DAB1: variants seen among roughly 807,000 people sequenced by gnomAD.
DAB1 encodes the protein DAB adaptor protein 1.
Under a neutral mutation model 64.6 loss-of-function variants are expected in DAB1, and 15 were observed. That is an observed-to-expected ratio of 0.23 (90% confidence interval 0.16 to 0.36). The LOEUF is 0.36. Ranked by LOEUF, DAB1 falls within the 10% of genes least tolerant of loss-of-function variation. DAB1 has a pLI of 1.00. For synonymous variants in DAB1, 235 were observed against 251.9 expected, an observed-to-expected ratio of 0.93 and a Z score of 0.64; for missense variants, 596 against 706.7, an observed-to-expected ratio of 0.84 and a Z score of 1.78.
intron 5 of DAB1, among the ~76,000 whole-genome samples, chr1:58,085,133 G>A (rs1046576542): frequency 6.6e-6 from 1 of 152,176 alleles, no homozygotes; most frequent in Non-Finnish European, 1.5e-5. Flanking sequence ...GTTGGCTTGT[G>A]ACATTGTCTC....
At chr1:58,307,584 C>T (rs1368722656) in intron 4 of DAB1, among the ~76,000 whole-genome samples, 2 of 152,100 alleles carry the variant, frequency 1.3e-5, no homozygotes, top group Non-Finnish European at 2.9e-5. Context: ...CGCCAGGAGC[C>T]TGGATTACAC....
intron 1 of DAB1, among the ~76,000 whole-genome samples, chr1:57,881,846 T>C (rs915065918): frequency 4.6e-5 from 7 of 152,200 alleles, no homozygotes; most frequent in Non-Finnish European, 1.0e-4. Context: ...CACAATATTT[T>C]ACAGTGAACA....
chr1:58,444,483 C>A (rs1645044636), intron 3 of DAB1, among the ~76,000 whole-genome samples: 1 of 152,218 alleles, frequency 6.6e-6, no homozygotes, highest in Non-Finnish European at 1.5e-5. Flanking sequence ...GCTCTTAACC[C>A]TGCTGAGCAG....
intron 6 of DAB1, among the ~76,000 whole-genome samples, chr1:57,725,020 A>G (rs1292427395): frequency 6.6e-6 from 1 of 152,242 alleles, no homozygotes; most frequent in African/African-American, 2.4e-5. Flanking sequence ...TGCTAGGTGC[A>G]GTCAAAGAAA....
chr1:57,582,672 G>A (rs892286365), intron 7 of DAB1, among the ~76,000 whole-genome samples: 1 of 152,376 alleles, frequency 6.6e-6, no homozygotes, highest in Non-Finnish European at 1.5e-5. Context: ...TGTGGCAGCT[G>A]AGGATTCAGG....
chr1:57,023,585 C>T lies in DAB1; in HGVS notation c.841G>A (p.Ala281Thr). 14 of 1,612,562 alleles carry T rather than the reference C, an allele frequency of 8.7e-6. No individual in the cohort carries two copies. Among genetic ancestry groups the T allele is most frequent in the Non-Finnish European group, 1.1e-5 (13 of 1,179,556 alleles). ...FIPSSSQTLP[A>T]SADVFSSVPF... ...ACAGAACTAAACACATCTGCACTCG[C>T]TGGAAGGGTCTGAGATGAAGATGGG... Residue 281 changes from alanine (A) to threonine (T), a missense_variant, in exon 11 of 15, where the codon GCG (alanine) becomes ACG (threonine). Physicochemically the swap from Ala to Thr is moderately conservative, Grantham distance 58. Around this residue, in one of 3 missense-constraint regions of DAB1, gnomAD observed 377 missense variants for 400.4 expected, o/e 0.94. Transcript: ENST00000371236.
intron 5 of DAB1, among the ~76,000 whole-genome samples, chr1:57,953,646 G>A (rs186142572): frequency 2.0e-4 from 31 of 152,204 alleles, no homozygotes; most frequent in Admixed American, 2.0e-4. Flanking sequence ...CTTGCTCTGT[G>A]CCCTGGAATC....
intron 6 of DAB1, among the ~76,000 whole-genome samples, chr1:57,780,290 T>A (rs1339368813): frequency 6.6e-6 from 1 of 152,170 alleles, no homozygotes; most frequent in Admixed American, 6.6e-5. Context: ...AAATTAAATA[T>A]AAAGTTATCC....
intron 4 of DAB1, among the ~76,000 whole-genome samples, chr1:58,170,868 T>C (rs1395142196): frequency 6.6e-6 from 1 of 152,090 alleles, no homozygotes; most frequent in Non-Finnish European, 1.5e-5. Context: ...GCTCATGTCA[T>C]CACCCTCACT....
At chr1:57,009,189 G>A (rs1001248807) in intron 14 of DAB1, among the ~76,000 whole-genome samples, 1 of 152,182 alleles carries the variant, frequency 6.6e-6, no homozygotes, top group Non-Finnish European at 1.5e-5. Flanking sequence ...TTCAAGGCAA[G>A]GTTGAGCACG....
chr1:57,325,487 T>C (rs1310094319), intron 1 of DAB1, among the ~76,000 whole-genome samples: 9 of 152,244 alleles, frequency 5.9e-5, no homozygotes, highest in Non-Finnish European at 1.3e-4. Flanking sequence ...TGAACCACTG[T>C]GTATAAAGTA....
chr1:57,412,047 G>A (rs887309982), intron 1 of DAB1, among the ~76,000 whole-genome samples: 2 of 152,154 alleles, frequency 1.3e-5, no homozygotes, highest in Non-Finnish European at 2.9e-5. Flanking sequence ...AATGCTTCAA[G>A]CGTTTTCATT....
intron 3 of DAB1, among the ~76,000 whole-genome samples, chr1:58,358,083 C>T (rs1644128362): frequency 6.6e-6 from 1 of 152,152 alleles, no homozygotes; most frequent in Non-Finnish European, 1.5e-5. Context: ...TTACCTGTTT[C>T]CAGAAATATC....
At chr1:57,989,695 A>C (rs988980280) in intron 5 of DAB1, among the ~76,000 whole-genome samples, 1 of 152,210 alleles carries the variant, frequency 6.6e-6, no homozygotes, top group African/African-American at 2.4e-5. Flanking sequence ...AACATGGGGC[A>C]CCAGGGCTGG....
At chr1:58,348,318 C>T (rs1250897497) in intron 3 of DAB1, among the ~76,000 whole-genome samples, 1 of 152,122 alleles carries the variant, frequency 6.6e-6, no homozygotes, top group Admixed American at 6.6e-5. Context: ...ACTCAGCCTT[C>T]TAAGTCAGTC....
At position 57,655,427 on chromosome 1, in the gene DAB1, C is replaced by T. The variant is rs552689499; in HGVS notation, n.552-5762G>A. Among the ~76,000 whole-genome samples, 16 of 152,272 alleles carry T rather than the reference C, an allele frequency of 1.1e-4. 1 individual carries two copies. The South Asian group carries it at 1.4e-3, about 14-fold the overall frequency. ...CAGTCTTCATCATCAATCATCCATC[C>T]GTCCAACCTTCATCATTCATACATC... On this transcript the variant is annotated intron_variant and non_coding_transcript_variant, in intron 6 of 20. Transcript: ENST00000485760.
chr1:58,299,517 T>C (rs753291000), intron 4 of DAB1, among the ~76,000 whole-genome samples: 1 of 152,200 alleles, frequency 6.6e-6, no homozygotes, highest in Non-Finnish European at 1.5e-5. Flanking sequence ...ATGTATGCAA[T>C]GAATAAATGA....
At chr1:57,049,636 A>G (rs1648969360) in intron 9 of DAB1, among the ~76,000 whole-genome samples, 1 of 151,514 alleles carries the variant, frequency 6.6e-6, no homozygotes, top group African/African-American at 2.4e-5. Context: ...CATACACTCA[A>G]ACTCATCTCG....
intron 1 of DAB1, among the ~76,000 whole-genome samples, chr1:57,350,552 C>A (rs11207016): frequency 0.5 from 76,192 of 151,954 alleles, 19,832 homozygotes; most frequent in African/African-American, 0.55. Flanking sequence ...TATTTAGATC[C>A]ACTTTGCTGG....
Sources: gnomAD v4.1 joint callset for allele counts (sites outside exome capture counted in the v4.1 genomes callset) on GRCh38, gnomAD v4.1.1 for gene constraint, gnomAD v4.1.1 regional missense constraint, MANE v1.5 for transcripts, NCBI Gene and HGNC (gene_info 2026-07-23, HGNC 2026-07-21) for gene names.